PTPRT: variants seen among roughly 807,000 people sequenced by gnomAD.
PTPRT encodes receptor-type tyrosine-protein phosphatase T.
Under a neutral mutation model 176.8 loss-of-function variants are expected in PTPRT, and 56 were observed. That is an observed-to-expected ratio of 0.32 (90% CI 0.26 to 0.40). The LOEUF (loss-of-function observed/expected upper bound fraction) is 0.40. Among genes scored for constraint, PTPRT ranks in the 10% least tolerant of loss-of-function variants. The pLI, the probability that PTPRT is intolerant of heterozygous loss-of-function variation, is 1.00. For synonymous variants in PTPRT, 783 were observed against 739.0 expected (o/e 1.06, Z -0.96); for missense variants, 1,540 against 1,908.2 (o/e 0.81, Z 3.60).
At chr20:42,407,587 T>C (rs1161520753) in intron 9 of PTPRT, among the ~76,000 whole-genome samples, 3 of 152,196 alleles carry the variant, frequency 2.0e-5, no homozygotes. Context: ...CTGAAACCAT[T>C]TCCTTTAATA....
At chr20:42,258,743 T>C (rs974456362) in intron 13 of PTPRT, among the ~76,000 whole-genome samples, 14 of 152,302 alleles carry the variant, frequency 9.2e-5, no homozygotes, top group Admixed American at 6.5e-4. Flanking sequence ...TCTCAAGTAA[T>C]AAATAAATTG....
intron 2 of PTPRT, among the ~76,000 whole-genome samples, chr20:42,880,644 G>C (rs1286541966): frequency 1.3e-5 from 2 of 152,168 alleles, no homozygotes; most frequent in East Asian, 3.9e-4. Flanking sequence ...GGGGAAGGCA[G>C]GGCTAGGAAC....
chr20:42,551,862 G>T (rs1942348795), intron 7 of PTPRT, among the ~76,000 whole-genome samples: 1 of 152,132 alleles, frequency 6.6e-6, no homozygotes, highest in Non-Finnish European at 1.5e-5. Context: ...TTCCTTGCTT[G>T]TTTGTTTTCC....
At chr20:42,202,249 TGG>T (rs1403508478) in intron 15 of PTPRT, among the ~76,000 whole-genome samples, 1 of 152,166 alleles carries the variant, frequency 6.6e-6, no homozygotes, top group African/African-American at 2.4e-5. Flanking sequence ...GGATTACAGG[TGG>T]GAGCCACCGT....
chr20:43,052,286 T>G (rs1049494319), intron 1 of PTPRT, among the ~76,000 whole-genome samples: 1 of 152,186 alleles, frequency 6.6e-6, no homozygotes, highest in Non-Finnish European at 1.5e-5. Flanking sequence ...AGAAACATGT[T>G]TACTGAACCC....
intron 9 of PTPRT, among the ~76,000 whole-genome samples, chr20:42,400,809 T>C (rs2058898822): frequency 6.6e-6 from 1 of 152,142 alleles, no homozygotes; most frequent in South Asian, 2.1e-4. Context: ...CATGATCAAA[T>C]GCACATCTTG....
chr20:42,228,720 T>C (rs775064815), intron 15 of PTPRT, among the ~76,000 whole-genome samples: 2 of 152,206 alleles, frequency 1.3e-5, no homozygotes, highest in Non-Finnish European at 2.9e-5. Context: ...ACTCCACACA[T>C]ATAACCACTC....
At chr20:42,813,688 C>A (rs2077734662) in intron 2 of PTPRT, among the ~76,000 whole-genome samples, 1 of 152,074 alleles carries the variant, frequency 6.6e-6, no homozygotes, top group South Asian at 2.1e-4. Context: ...ATTCTTTATT[C>A]TGTCTGATTT....
chr20:42,306,341 G>A lies in PTPRT; in HGVS notation c.2139+9382C>T, dbSNP rs117870620. ...CAATGGAATGGAGGCCTGGAAGCAG[G>A]GATGCCCAAGTGAGTGGGTAAGCCC... is the stretch of plus-strand genomic sequence containing the variant. On this transcript the variant is annotated intron_variant, in intron 12 of 30. Transcript: ENST00000373187. 1.9e-4 allele frequency among the ~76,000 whole-genome samples: 29 copies of A among 152,274 alleles called. No homozygotes were observed. In the East Asian group the frequency reaches 4.8e-3, roughly 25 times the overall value.
chr20:42,652,112 T>A (rs1011953821), intron 7 of PTPRT, among the ~76,000 whole-genome samples: 3 of 151,532 alleles, frequency 2.0e-5, no homozygotes, highest in Non-Finnish European at 4.4e-5. Context: ...TGATACTATA[T>A]CTTCAATTGC....
At chr20:42,838,729 T>C (rs2078224501) in intron 2 of PTPRT, among the ~76,000 whole-genome samples, 1 of 152,176 alleles carries the variant, frequency 6.6e-6, no homozygotes, top group African/African-American at 2.4e-5. Flanking sequence ...GGAGGGTATC[T>C]CCCTCATGGC....
At chr20:42,364,236 A>C (rs185449807) in intron 9 of PTPRT, among the ~76,000 whole-genome samples, 125 of 152,272 alleles carry the variant, frequency 8.2e-4, no homozygotes, top group African/African-American at 2.9e-3. Flanking sequence ...ACGTAATCAC[A>C]CATTCTGGGC....
chr20:43,081,805 CTTCT>C (rs1422265888), intron 1 of PTPRT, among the ~76,000 whole-genome samples: 1 of 152,018 alleles, frequency 6.6e-6, no homozygotes, highest in African/African-American at 2.4e-5. Flanking sequence ...TTTTCAAATC[CTTCT>C]TTGTCTTTTT....
intron 7 of PTPRT, among the ~76,000 whole-genome samples, chr20:42,490,337 T>G (rs1447529957): frequency 6.6e-6 from 1 of 152,182 alleles, no homozygotes; most frequent in Non-Finnish European, 1.5e-5. Context: ...TTTTCACTTG[T>G]GTAATATCTT....
At chr20:42,880,516 A>G (rs1179408195) in intron 2 of PTPRT, among the ~76,000 whole-genome samples, 1 of 152,170 alleles carries the variant, frequency 6.6e-6, no homozygotes, top group African/African-American at 2.4e-5. Flanking sequence ...GCCCTTTCCG[A>G]AGGATACCTC....
At chr20:42,878,001 G>T (rs1049961278) in intron 2 of PTPRT, among the ~76,000 whole-genome samples, 3 of 152,222 alleles carry the variant, frequency 2.0e-5, no homozygotes, top group African/African-American at 7.2e-5. Context: ...CTACATGTTT[G>T]CCATGTGGAT....
At chr20:42,964,716 G>A (rs1448989072) in intron 1 of PTPRT, among the ~76,000 whole-genome samples, 2 of 151,848 alleles carry the variant, frequency 1.3e-5, no homozygotes, top group Non-Finnish European at 2.9e-5. Flanking sequence ...GTATTTTTTC[G>A]GTGATGATTA....
intron 4 of PTPRT, among the ~76,000 whole-genome samples, chr20:42,771,969 AACTACGAC>A (rs1409483458): frequency 6.6e-6 from 1 of 152,196 alleles, no homozygotes; most frequent in Non-Finnish European, 1.5e-5. Context: ...CAAAAGGTGA[AACTACGAC>A]ACTGAAAGTT....
At chr20:42,550,092 G>A (rs1480808378) in intron 7 of PTPRT, among the ~76,000 whole-genome samples, 1 of 152,096 alleles carries the variant, frequency 6.6e-6, no homozygotes, top group Non-Finnish European at 1.5e-5. Flanking sequence ...ACTCTGTATT[G>A]AATAGCTATC....
Sources: allele counts gnomAD v4.1 joint callset (sites outside exome capture counted in the v4.1 genomes callset), GRCh38; gene constraint gnomAD v4.1.1; transcripts MANE v1.5; gene names NCBI Gene and HGNC (gene_info 2026-07-23, HGNC 2026-07-21).